HS3ST4: variants seen among roughly 807,000 people sequenced by gnomAD.
The protein encoded by HS3ST4 is heparan sulfate-glucosamine 3-sulfotransferase 4.
A neutral mutation model predicts 29.2 loss-of-function variants in HS3ST4; 17 were observed. The observed-to-expected ratio is 0.58, with a 90% CI of 0.40 to 0.87. The LOEUF (loss-of-function observed/expected upper bound fraction) is 0.87. Among genes scored for constraint, HS3ST4 ranks in the 40% least tolerant of loss-of-function variants. The pLI is 0.00. For synonymous variants in HS3ST4, 314 were observed against 285.7 expected, an observed-to-expected ratio of 1.10 and a Z score of -1.00; for missense variants, 627 against 634.5, an observed-to-expected ratio of 0.99 and a Z score of 0.13.
intron 1 of HS3ST4, among the ~76,000 whole-genome samples, chr16:25,927,484 G>C (rs185947459): frequency 6.6e-6 from 1 of 152,240 alleles, no homozygotes; most frequent in African/African-American, 2.4e-5. Flanking sequence ...ATTCTCTTTC[G>C]GGACTAGGGC....
At chr16:25,707,273 G>T (rs1322455528) in intron 1 of HS3ST4, among the ~76,000 whole-genome samples, 8 of 152,124 alleles carry the variant, frequency 5.3e-5, no homozygotes, top group Non-Finnish European at 1.2e-4. Context: ...TTTAGAAAGG[G>T]TAAGAATAGT....
At chr16:25,975,380 C>T (rs994489206) in intron 1 of HS3ST4, among the ~76,000 whole-genome samples, 9 of 152,012 alleles carry the variant, frequency 5.9e-5, no homozygotes, top group African/African-American at 2.2e-4. Flanking sequence ...ATCACTCATA[C>T]CCCAGACCTC....
At chr16:25,851,230 G>A (rs1467302825) in intron 1 of HS3ST4, among the ~76,000 whole-genome samples, 1 of 152,128 alleles carries the variant, frequency 6.6e-6, no homozygotes, top group East Asian at 1.9e-4. Flanking sequence ...TGGATGCCTG[G>A]CGGGTTGGTC....
chr16:26,027,088 C>T (rs1285503052), intron 1 of HS3ST4, among the ~76,000 whole-genome samples: 1 of 152,118 alleles, frequency 6.6e-6, no homozygotes, highest in Non-Finnish European at 1.5e-5. Flanking sequence ...GACCTTTGGA[C>T]TATGAAGAAA....
At chr16:25,715,766 C>G (rs2141587086) in intron 1 of HS3ST4, among the ~76,000 whole-genome samples, 1 of 152,316 alleles carries the variant, frequency 6.6e-6, no homozygotes, top group South Asian at 2.1e-4. Context: ...GAGATGCCCT[C>G]AGTGCATCAG....
At chr16:25,985,321 T>C (rs1429078067) in intron 1 of HS3ST4, among the ~76,000 whole-genome samples, 1 of 152,126 alleles carries the variant, frequency 6.6e-6, no homozygotes, top group Non-Finnish European at 1.5e-5. Flanking sequence ...GGTCAGTAGT[T>C]GTGGAAGGCT....
rs759900072 is a variant in HS3ST4, at chr16:26,136,083, C to T, written c.1206C>T (p.Asp402=). The T allele has an allele frequency of 1.2e-6, 2 of 1,613,836 alleles. No individual in the cohort carries two copies. Among genetic ancestry groups the T allele is most frequent in the Non-Finnish European group, 1.7e-6 (2 of 1,179,826 alleles). Residue 402 remains aspartate, a synonymous_variant, in exon 2 of 2, where the codon GAC becomes GAT. Coordinates refer to ENST00000331351, the MANE Select transcript of HS3ST4 (RefSeq NM_006040.3). The part of the protein sequence containing the change: ...KGFPCLKKPE[D]SSAPRCLGKS... Reference sequence around the variant, plus strand: ...TCCCTTGCCTAAAGAAGCCAGAAGACAGCAGTGCCCCGAGGTGCTTAGGCA... The same window carrying T: ...TCCCTTGCCTAAAGAAGCCAGAAGATAGCAGTGCCCCGAGGTGCTTAGGCA...
At chr16:25,717,131 G>A (rs1214676698) in intron 1 of HS3ST4, among the ~76,000 whole-genome samples, 2 of 152,078 alleles carry the variant, frequency 1.3e-5, no homozygotes, top group East Asian at 3.9e-4. Context: ...TTAAAGAAGA[G>A]GAACCTTGGC....
chr16:25,698,097 T>A, intron 1 of HS3ST4, among the ~76,000 whole-genome samples: 1 of 152,092 alleles, frequency 6.6e-6, no homozygotes, highest in African/African-American at 2.4e-5. Context: ...TTATTATTAT[T>A]TGAAAAAATT....
chr16:25,692,699 C>G lies in HS3ST4; in HGVS notation c.282C>G (p.Pro94=). The G allele has an allele frequency of 8.1e-6, 10 of 1,228,096 alleles. No homozygotes were observed. Among genetic ancestry groups the G allele is most frequent in the Non-Finnish European group, 1.0e-5 (10 of 987,736 alleles). 76.1% of individuals were successfully genotyped at this position (1,228,096 alleles called of 1,614,324 possible). The change falls in exon 1 of 2, where the codon CCC becomes CCG. Residue 94 remains proline, a synonymous_variant. Transcript: ENST00000331351. ...CTACCCCCGTGCGCCTCGGCGCCCC[C>G]TCGCAGCCGCCCGCGCCGCCGCCGC... The part of the protein sequence containing the change: ...LLPTPVRLGA[P]SQPPAPPPLD...
intron 1 of HS3ST4, among the ~76,000 whole-genome samples, chr16:25,970,141 C>T (rs114777568): frequency 3.3e-5 from 5 of 152,320 alleles, no homozygotes; most frequent in Admixed American, 1.3e-4. Context: ...ACAGCAGGTG[C>T]GAATGCAAGG....
intron 1 of HS3ST4, among the ~76,000 whole-genome samples, chr16:25,868,748 C>T (rs949420135): frequency 1.8e-4 from 28 of 152,288 alleles, no homozygotes; most frequent in Middle Eastern, 3.4e-3. Context: ...AGATTGCCCT[C>T]GTTAACCTGT....
chr16:25,964,874 C>T (rs563475853), intron 1 of HS3ST4, among the ~76,000 whole-genome samples: 3 of 151,980 alleles, frequency 2.0e-5, no homozygotes, highest in Admixed American at 6.6e-5. Context: ...AAGTGATGTT[C>T]GAGTGTATTA....
intron 1 of HS3ST4, among the ~76,000 whole-genome samples, chr16:25,890,620 G>A (rs577361897): frequency 7.9e-5 from 12 of 152,264 alleles, no homozygotes; most frequent in African/African-American, 2.9e-4. Context: ...TTTCCATCAT[G>A]GAATCTATGA....
At chr16:25,919,864 A>C (rs1968329812) in intron 1 of HS3ST4, among the ~76,000 whole-genome samples, 2 of 151,226 alleles carry the variant, frequency 1.3e-5, no homozygotes, top group African/African-American at 2.4e-5. Context: ...AGAGAGCTAA[A>C]GAATGAAATG....
At chr16:25,977,376 C>A (rs1213964188) in intron 1 of HS3ST4, among the ~76,000 whole-genome samples, 2 of 152,134 alleles carry the variant, frequency 1.3e-5, no homozygotes, top group Admixed American at 6.6e-5. Context: ...GCACTGAAAC[C>A]CTTTTAGTTC....
chr16:25,772,926 G>A (rs1304138277), intron 1 of HS3ST4, among the ~76,000 whole-genome samples: 7 of 152,178 alleles, frequency 4.6e-5, no homozygotes, highest in Admixed American at 2.6e-4. Flanking sequence ...AAGATGCCAC[G>A]TTCAGCTCTG....
intron 1 of HS3ST4, among the ~76,000 whole-genome samples, chr16:25,856,051 G>C (rs930344782): frequency 6.6e-6 from 1 of 152,016 alleles, no homozygotes; most frequent in South Asian, 2.1e-4. Context: ...GGATAGGTCT[G>C]TTCTCTCCAA....
At chr16:25,869,002 A>G (rs1967722894) in intron 1 of HS3ST4, among the ~76,000 whole-genome samples, 1 of 152,128 alleles carries the variant, frequency 6.6e-6, no homozygotes, top group Non-Finnish European at 1.5e-5. Flanking sequence ...GTGTGTGCCT[A>G]TGCATTTACC....
Sources: gnomAD v4.1 joint callset for allele counts (sites outside exome capture counted in the v4.1 genomes callset) on GRCh38, gnomAD v4.1.1 for gene constraint, MANE v1.5 for transcripts, NCBI Gene and HGNC (gene_info 2026-07-23, HGNC 2026-07-21) for gene names.